The following RBMS3 variants were observed in gnomAD, a reference collection of about 807,000 sequenced individuals.
The protein encoded by RBMS3 is RNA-binding motif, single-stranded-interacting protein 3.
Under a neutral mutation model 66.8 loss-of-function variants are expected in RBMS3, and 27 were observed. That is an observed-to-expected ratio of 0.40 (90% CI 0.30 to 0.56). The LOEUF is 0.56. Among genes scored for constraint, RBMS3 ranks in the 20% least tolerant of loss-of-function variants. RBMS3 has a pLI of 0.40. For synonymous variants in RBMS3, 188 were observed against 183.0 expected (o/e 1.03, Z -0.22); for missense variants, 513 against 549.5 (o/e 0.93, Z 0.66).
At chr3:29,754,038 A>G (rs1307989319) in intron 5 of RBMS3, among the ~76,000 whole-genome samples, 1 of 151,972 alleles carries the variant, frequency 6.6e-6, no homozygotes, top group Non-Finnish European at 1.5e-5. Context: ...GCTGACTGCA[A>G]CTTCTGCCTC....
At chr3:29,992,601 C>CA (rs528041487) in intron 14 of RBMS3, among the ~76,000 whole-genome samples, 92 of 149,146 alleles carry the variant, frequency 6.2e-4, no homozygotes, top group South Asian at 1.9e-3. Flanking sequence ...GACTCCGTCT[C>CA]AAAAAAAAAG....
intron 2 of RBMS3, among the ~76,000 whole-genome samples, chr3:29,481,373 T>C (rs1385827765): frequency 6.6e-6 from 1 of 152,162 alleles, no homozygotes; most frequent in East Asian, 1.9e-4. Flanking sequence ...AGAAGGCAAA[T>C]GGTTCTGGAG....
At chr3:29,294,471 A>G (rs2033080308) in intron 1 of RBMS3, among the ~76,000 whole-genome samples, 1 of 151,802 alleles carries the variant, frequency 6.6e-6, no homozygotes, top group African/African-American at 2.4e-5. Context: ...GTACTGCATT[A>G]TAAGTTGCTG....
At chr3:29,318,930 T>C (rs2034850461) in intron 1 of RBMS3, among the ~76,000 whole-genome samples, 1 of 151,948 alleles carries the variant, frequency 6.6e-6, no homozygotes, top group Non-Finnish European at 1.5e-5. Context: ...AAACAATATT[T>C]ATACTGAATT....
At chr3:29,572,353 T>C (rs540674400) in intron 3 of RBMS3, among the ~76,000 whole-genome samples, 5 of 152,060 alleles carry the variant, frequency 3.3e-5, no homozygotes, top group South Asian at 2.1e-4. Flanking sequence ...CATGTTCTTA[T>C]AGGAAAGGGT....
chr3:29,836,063 A>G (rs905293114), intron 6 of RBMS3, among the ~76,000 whole-genome samples: 1 of 152,044 alleles, frequency 6.6e-6, no homozygotes, highest in African/African-American at 2.4e-5. Context: ...AGTCTGAATC[A>G]TGATGAAACA....
At chr3:29,529,599 AT>A (rs1265403271) in intron 3 of RBMS3, among the ~76,000 whole-genome samples, 1 of 151,930 alleles carries the variant, frequency 6.6e-6, no homozygotes, top group Non-Finnish European at 1.5e-5. Flanking sequence ...AGATATTTTG[AT>A]TTTTTTAAAT....
intron 2 of RBMS3, among the ~76,000 whole-genome samples, chr3:29,475,251 C>CTTTTTTTTTT (rs35099344): frequency 7.1e-6 from 1 of 140,872 alleles, no homozygotes; most frequent in African/African-American, 2.6e-5. Context: ...CTTTTCTTTT[C>CTTTTTTTTTT]TTTTTTTTTT....
intron 6 of RBMS3, among the ~76,000 whole-genome samples, chr3:29,788,055 A>G (rs2056880953): frequency 6.6e-6 from 1 of 152,142 alleles, no homozygotes; most frequent in African/African-American, 2.4e-5. Context: ...GTTTCTCCCT[A>G]GAAAAGCTAT....
intron 2 of RBMS3, among the ~76,000 whole-genome samples, chr3:29,455,958 A>T (rs957022497): frequency 1.3e-5 from 2 of 152,168 alleles, no homozygotes; most frequent in Non-Finnish European, 2.9e-5. Context: ...CAAATTTTTC[A>T]CCACACTGTA....
At chr3:29,429,957 A>G (rs1045278353) in intron 1 of RBMS3, among the ~76,000 whole-genome samples, 1 of 143,516 alleles carries the variant, frequency 7.0e-6, no homozygotes, top group African/African-American at 2.5e-5. Context: ...TTATTTATTT[A>G]TTTATTTTTT....
At chr3:29,308,075 T>G (rs1472624421) in intron 1 of RBMS3, among the ~76,000 whole-genome samples, 3 of 151,928 alleles carry the variant, frequency 2.0e-5, no homozygotes, top group Non-Finnish European at 4.4e-5. Context: ...AGTTGTTTTT[T>G]GTTTTAACTA....
intron 1 of RBMS3, among the ~76,000 whole-genome samples, chr3:29,361,384 C>T (rs754096170): frequency 4.0e-5 from 6 of 150,802 alleles, no homozygotes; most frequent in African/African-American, 7.5e-5. Flanking sequence ...CCCCCACTCT[C>T]TTCTGGCTTG....
At chr3:29,439,611 T>TTA (rs1553603338) in intron 2 of RBMS3, among the ~76,000 whole-genome samples, 4 of 115,958 alleles carry the variant, frequency 3.4e-5, no homozygotes, top group East Asian at 5.9e-4. Flanking sequence ...ATTTATTTAT[T>TTA]TTTATTATTA....
intron 6 of RBMS3, among the ~76,000 whole-genome samples, chr3:29,804,920 CGTGT>C (rs10576635): frequency 0.069 from 10,110 of 146,348 alleles, 496 homozygotes; most frequent in East Asian, 0.17. Flanking sequence ...TCTGCGTGTA[CGTGT>C]GTGTGTGTGT....
At chr3:29,863,231 A>ACT (rs2059262863) in intron 6 of RBMS3, among the ~76,000 whole-genome samples, 3 of 132,328 alleles carry the variant, frequency 2.3e-5, no homozygotes, top group Non-Finnish European at 4.8e-5. Flanking sequence ...GTGGGGGGAG[A>ACT]GGGGGAGGGA....
chr3:29,557,553 A>G (rs1287018078), intron 3 of RBMS3, among the ~76,000 whole-genome samples: 2 of 152,222 alleles, frequency 1.3e-5, no homozygotes, highest in Non-Finnish European at 2.9e-5. Flanking sequence ...TGATTGGTTC[A>G]GAGATCAGAT....
chr3:29,321,597 A>T (rs141164553), intron 1 of RBMS3, among the ~76,000 whole-genome samples: 155 of 152,244 alleles, frequency 1.0e-3, no homozygotes, highest in Non-Finnish European at 1.6e-3. Context: ...TCCTCTTGCA[A>T]TTCCCTGTGA....
intron 1 of RBMS3, among the ~76,000 whole-genome samples, chr3:29,429,827 A>G (rs1339856227): frequency 6.6e-6 from 1 of 152,208 alleles, no homozygotes; most frequent in Non-Finnish European, 1.5e-5. Context: ...CAATGATAAA[A>G]TCCCAAATCC....
Sources: gnomAD v4.1 joint callset for allele counts (sites outside exome capture counted in the v4.1 genomes callset) on GRCh38, gnomAD v4.1.1 for gene constraint, MANE v1.5 for transcripts, NCBI Gene and HGNC (gene_info 2026-07-23, HGNC 2026-07-21) for gene names.